The following DRD3 variants were observed in gnomAD, a reference collection of about 807,000 sequenced individuals.
DRD3 encodes the protein D(3) dopamine receptor.
A neutral mutation model predicts 36.3 loss-of-function variants in DRD3; 19 were observed. The ratio of observed to expected loss-of-function variants is 0.52; its 90% CI spans 0.36 to 0.77. The LOEUF (loss-of-function observed/expected upper bound fraction) is 0.77. Among genes scored for constraint, DRD3 ranks in the 30% least tolerant of loss-of-function variants. The pLI, the probability that DRD3 is intolerant of heterozygous loss-of-function variation, is 0.00. For synonymous variants in DRD3, 195 were observed against 203.7 expected, an observed-to-expected ratio of 0.96 and a Z score of 0.36; for missense variants, 465 against 505.3, an observed-to-expected ratio of 0.92 and a Z score of 0.77.
intron 1 of DRD3, among the ~76,000 whole-genome samples, chr3:114,196,204 T>TATTTATCA (rs1438095762): frequency 6.6e-6 from 1 of 152,244 alleles, no homozygotes; most frequent in Middle Eastern, 3.2e-3. Context: ...AGTATCCCAT[T>TATTTATCA]ATTTATCAAT....
chr3:114,154,144 G>A (rs2077643354), intron 3 of DRD3, among the ~76,000 whole-genome samples: 1 of 152,150 alleles, frequency 6.6e-6, no homozygotes, highest in Non-Finnish European at 1.5e-5. Flanking sequence ...CAAGCATTTA[G>A]CATTTCCACT....
At chr3:114,149,034 C>G (rs938738786) in intron 3 of DRD3, among the ~76,000 whole-genome samples, 1 of 152,134 alleles carries the variant, frequency 6.6e-6, no homozygotes, top group African/African-American at 2.4e-5. Context: ...TTCATTTAAT[C>G]TTTATTCAAT....
chr3:114,149,738 G>C (rs1300510759), intron 3 of DRD3, among the ~76,000 whole-genome samples: 1 of 152,186 alleles, frequency 6.6e-6, no homozygotes, highest in East Asian at 1.9e-4. Context: ...GCTATGTTTT[G>C]GAGAGGGTCA....
rs192414812 is a variant in DRD3, at chr3:114,197,318, G to A, written c.-156+1955C>T. On this transcript the variant is annotated intron_variant, in intron 1 of 7. Transcript: ENST00000460779. ...TTTTTTTTTGTAGAGAAGAGGTCTCGCCATGTTGCCCAGGCTGGTCTTGAA... is the reference window on the plus strand; with the variant it reads ...TTTTTTTTTGTAGAGAAGAGGTCTCACCATGTTGCCCAGGCTGGTCTTGAA... Among the ~76,000 whole-genome samples the A allele has an allele frequency of 1.1e-3, 127 of 119,938 alleles. 2 individuals carry two copies. The South Asian group carries it at 0.017, about 16-fold the overall frequency. The allele number at this position is 119,938 out of a possible 152,430, so 78.7% of individuals were successfully genotyped here. A position where few individuals can be genotyped will look rare whatever the true frequency, so the allele number is the denominator to read the frequency against.
intron 3 of DRD3, among the ~76,000 whole-genome samples, chr3:114,147,803 T>C (rs2077582266): frequency 6.6e-6 from 1 of 152,152 alleles, no homozygotes; most frequent in Admixed American, 6.6e-5. Flanking sequence ...TATTTTTTTG[T>C]AGAGATGGGG....
chr3:114,157,622 G>A, intron 3 of DRD3, among the ~76,000 whole-genome samples: 1 of 152,138 alleles, frequency 6.6e-6, no homozygotes, highest in Non-Finnish European at 1.5e-5. Context: ...TTTACATGCT[G>A]AAGTGGGAAT....
chr3:114,134,338 T>G (rs1193410841), intron 5 of DRD3, among the ~76,000 whole-genome samples: 1 of 152,158 alleles, frequency 6.6e-6, no homozygotes. Flanking sequence ...GCTCAAGTGA[T>G]CCTCCTGTCT....
At position 114,128,887 on chromosome 3, in the gene DRD3, G is replaced by A; in HGVS notation, c.1032C>T (p.Pro344=). 6.2e-7 allele frequency: 1 copy of A among 1,605,746 alleles called. No individual in the cohort carries two copies. Among genetic ancestry groups the A allele is most frequent in the Non-Finnish European group, 8.5e-7 (1 of 1,175,974 alleles). The change falls in exon 7 of 7, where the codon CCC becomes CCT. Residue 344 remains proline (P), a synonymous_variant. Coordinates refer to ENST00000383673, the MANE Select transcript of DRD3 (RefSeq NM_000796.6). The stretch of plus-strand genomic sequence containing the variant: ...TATTGAGAACATGGGTCAAGAAGAA[G>A]GGCAGCCAGCAGACAATGAAGGCCC... ...VLGAFIVCWL[P]FFLTHVLNTH...
At position 114,131,084 on chromosome 3, in the gene DRD3, C is replaced by G. The variant is rs747247775; in HGVS notation, c.1006+34G>C. On this transcript the variant is annotated intron_variant, in intron 6 of 6. Transcript: ENST00000383673. ...CCACTTAACTTAACACAACCTAACC[C>G]AACCCAACACAGCTCAAGCCAACCC... 2.8e-5 allele frequency: 44 copies of G among 1,597,118 alleles called. No individual in the cohort carries two copies. In the Admixed American group the frequency reaches 4.2e-4, roughly 15 times the overall value.
At chr3:114,193,565 A>C (rs2078022883) in intron 1 of DRD3, among the ~76,000 whole-genome samples, 2 of 152,204 alleles carry the variant, frequency 1.3e-5, no homozygotes, top group Non-Finnish European at 2.9e-5. Flanking sequence ...TTCACCTACT[A>C]TGCAGATATA....
chr3:114,161,614 G>T (rs76597298), intron 2 of DRD3, among the ~76,000 whole-genome samples: 2,645 of 152,248 alleles, frequency 0.017, 38 homozygotes, highest in Middle Eastern at 0.061. Context: ...TCCAGTTATG[G>T]ATTTACTGTC....
chr3:114,190,142 A>G (rs2077996498), intron 1 of DRD3, among the ~76,000 whole-genome samples: 1 of 151,924 alleles, frequency 6.6e-6, no homozygotes, highest in Admixed American at 6.6e-5. Flanking sequence ...TCACAAACCA[A>G]ACTCTAGGGG....
chr3:114,149,846 C>T (rs1366619837), intron 3 of DRD3, among the ~76,000 whole-genome samples: 1 of 152,198 alleles, frequency 6.6e-6, no homozygotes, highest in East Asian at 1.9e-4. Context: ...CTGCAAGGAA[C>T]TGAATACTCC....
At position 114,128,575 on chromosome 3, in the gene DRD3, T is replaced by A. The variant is rs1188091214; in HGVS notation, c.*141A>T. 9 of 803,418 alleles carry A rather than the reference T, an allele frequency of 1.1e-5. No homozygotes were observed. The East Asian group carries it at 2.5e-4, about 22-fold the overall frequency. The allele number at this position is 803,418 out of a possible 1,614,324, so 49.8% of individuals were successfully genotyped here. A position where few individuals can be genotyped will look rare whatever the true frequency, so the allele number is the denominator to read the frequency against. Reference sequence around the variant, plus strand: ...ATTCTGTTTTGGAGGACACATCTGGTTATACCTGACAAGCAGGGACATCCT... The same window carrying A: ...ATTCTGTTTTGGAGGACACATCTGGATATACCTGACAAGCAGGGACATCCT... On this transcript the variant is annotated 3_prime_UTR_variant, in exon 7 of 7. Transcript: ENST00000383673.
At chr3:114,178,209 C>T (rs140491720) in intron 1 of DRD3, among the ~76,000 whole-genome samples, 1 of 152,246 alleles carries the variant, frequency 6.6e-6, no homozygotes, top group Non-Finnish European at 1.5e-5. Context: ...TTAGAAACAG[C>T]CTGACTTTAA....
chr3:114,197,893 T>C (rs1381332982), intron 1 of DRD3, among the ~76,000 whole-genome samples: 1 of 152,226 alleles, frequency 6.6e-6, no homozygotes, highest in Non-Finnish European at 1.5e-5. Context: ...AACTTTGTTC[T>C]TGTTTTTCAA....
intron 4 of DRD3, among the ~76,000 whole-genome samples, chr3:114,141,904 G>T (rs1023137479): frequency 2.6e-5 from 4 of 151,924 alleles, no homozygotes; most frequent in Admixed American, 2.0e-4. Context: ...ACAAAAGTTA[G>T]CCGGTGTGGT....
At chr3:114,132,623 A>C (rs1333402149) in intron 5 of DRD3, among the ~76,000 whole-genome samples, 2 of 152,106 alleles carry the variant, frequency 1.3e-5, no homozygotes, top group Non-Finnish European at 2.9e-5. Flanking sequence ...TAATCACAAC[A>C]ACCTCTTGAG....
chr3:114,151,008 A>G (rs1226731366), intron 3 of DRD3, among the ~76,000 whole-genome samples: 2 of 152,194 alleles, frequency 1.3e-5, no homozygotes, highest in African/African-American at 2.4e-5. Flanking sequence ...GAAAAATTTG[A>G]TAAAGTCAAA....
Sources: allele counts gnomAD v4.1 joint callset (sites outside exome capture counted in the v4.1 genomes callset), GRCh38; gene constraint gnomAD v4.1.1; transcripts MANE v1.5; gene names NCBI Gene and HGNC (gene_info 2026-07-23, HGNC 2026-07-21).